Variants in CRB1 observed in about 807,000 individuals in gnomAD.
The protein encoded by CRB1 is crumbs cell polarity complex component 1, also known as protein crumbs homolog 1.
In CRB1, 83 loss-of-function variants were observed where a neutral mutation model predicts 120.0. The ratio of observed to expected loss-of-function variants is 0.69; its 90% CI spans 0.58 to 0.83. The LOEUF (loss-of-function observed/expected upper bound fraction) is 0.83, where lower values mean the gene tolerates loss of function less well. Among genes scored for constraint, CRB1 ranks in the 40% least tolerant of loss-of-function variants. CRB1 has a pLI of 0.00. For missense variants in CRB1, 1,699 were observed against 1,687.6 expected (o/e 1.01, Z -0.12); for synonymous variants, 625 against 612.5 (o/e 1.02, Z -0.30).
In CRB1 at chr1:197,429,527, G is replaced by T. The variant is rs1457458079; in HGVS notation, c.2755G>T (p.Gly919Trp). The change falls in exon 8 of 12, where the codon GGG (glycine) becomes TGG (tryptophan). Residue 919 changes from glycine (G) to tryptophan (W), a missense_variant. Transcript: ENST00000367400. ...CTGTTCCTGTCCTGCCCTCACAAGT[G>T]GGAAAGCCTGTGAGGAGGTTCAGTG... is the stretch of plus-strand genomic sequence containing the variant. ...FSCSCPALTS[G>W]KACEEVQWCG... The T allele has an allele frequency of 6.2e-7, 1 of 1,613,894 alleles. No individual in the cohort carries two copies. The highest frequency in any genetic ancestry group is 1.1e-5 in the South Asian group (1 of 91,064).
intron 5 of CRB1, among the ~76,000 whole-genome samples, chr1:197,385,833 C>A (rs1017606126): frequency 1.3e-5 from 2 of 151,496 alleles, no homozygotes; most frequent in African/African-American, 4.8e-5. Context: ...TTTAATGACC[C>A]AAAAATGATA....
At position 197,318,213 on chromosome 1, in the gene CRB1, A is replaced by G. The variant is rs547438623; in HGVS notation, c.71-10209A>G. On this transcript the variant is annotated intron_variant, in intron 1 of 11. Coordinates refer to ENST00000367400, the MANE Select transcript of CRB1 (RefSeq NM_201253.3). ...GTAGATATTTCTCAAAAGAAGATAT[A>G]CAAATGGCCAACAGATAAATGAAAA... Among the ~76,000 whole-genome samples, 70 of 152,208 alleles carry G rather than the reference A, an allele frequency of 4.6e-4. 1 individual carries two copies. The highest frequency in any genetic ancestry group is 6.8e-4 in the Non-Finnish European group (46 of 68,032).
intron 11 of CRB1, among the ~76,000 whole-genome samples, chr1:197,472,118 TACAC>T (rs890581550): frequency 2.4e-4 from 37 of 152,344 alleles, no homozygotes; most frequent in African/African-American, 8.4e-4. Context: ...TAACACTAAA[TACAC>T]ACACAGACAC....
At chr1:197,408,809 A>G (rs957487336) in intron 5 of CRB1, among the ~76,000 whole-genome samples, 1 of 152,324 alleles carries the variant, frequency 6.6e-6, no homozygotes, top group Non-Finnish European at 1.5e-5. Flanking sequence ...AACTGGGTTG[A>G]GTTTCTCTGA....
At chr1:197,317,710 A>G (rs1220155563) in intron 1 of CRB1, among the ~76,000 whole-genome samples, 1 of 152,208 alleles carries the variant, frequency 6.6e-6, no homozygotes, top group African/African-American at 2.4e-5. Flanking sequence ...CGGCCCACTA[A>G]TTTTTGACAA....
chr1:197,320,102 A>G (rs1435020272), intron 1 of CRB1, among the ~76,000 whole-genome samples: 1 of 152,258 alleles, frequency 6.6e-6, no homozygotes, highest in Non-Finnish European at 1.5e-5. Flanking sequence ...AATAATTGAT[A>G]GCATCCCTAC....
At chr1:197,423,083 T>C (rs1219073004) in intron 6 of CRB1, among the ~76,000 whole-genome samples, 1 of 152,210 alleles carries the variant, frequency 6.6e-6, no homozygotes, top group East Asian at 1.9e-4. Context: ...AGGGAAATTA[T>C]GCTGAGGCAA....
intron 4 of CRB1, among the ~76,000 whole-genome samples, chr1:197,354,309 C>T (rs1309980838): frequency 6.6e-6 from 1 of 152,166 alleles, no homozygotes; most frequent in Admixed American, 6.5e-5. Context: ...GGGTTAAACT[C>T]AAAACGCTTA....
intron 1 of CRB1, among the ~76,000 whole-genome samples, chr1:197,312,724 GC>G (rs2125275476): frequency 6.6e-6 from 1 of 152,096 alleles, no homozygotes; most frequent in South Asian, 2.1e-4. Context: ...TTTACACATA[GC>G]AACATTTAAT....
intron 1 of CRB1, among the ~76,000 whole-genome samples, chr1:197,290,778 A>T (rs527338354): frequency 4.9e-4 from 75 of 151,958 alleles, no homozygotes; most frequent in African/African-American, 1.7e-3. Flanking sequence ...TCTCACTAAA[A>T]ATAGAAGTTA....
chr1:197,386,982 T>C (rs955046709), intron 5 of CRB1, among the ~76,000 whole-genome samples: 1 of 152,184 alleles, frequency 6.6e-6, no homozygotes, highest in Non-Finnish European at 1.5e-5. Context: ...TCCATCCAAG[T>C]TAACAGTCTT....
At chr1:197,325,122 C>T (rs928246259) in intron 1 of CRB1, among the ~76,000 whole-genome samples, 1 of 152,168 alleles carries the variant, frequency 6.6e-6, no homozygotes, top group Non-Finnish European at 1.5e-5. Flanking sequence ...CATTATTCAA[C>T]AAATTTCTAT....
chr1:197,328,576 C>T lies in CRB1; in HGVS notation c.225C>T (p.Phe75=). The change falls in exon 2 of 12, where the codon TTC becomes TTT. Residue 75 remains phenylalanine, a synonymous_variant. Coordinates refer to ENST00000367400, the MANE Select transcript of CRB1 (RefSeq NM_201253.3). Reference sequence around the variant, plus strand: ...GTGACAACATGAAAGACCCTTGCTTCTCCAATCCCTGTCAAGGAAGTGCCA... The same window carrying T: ...GTGACAACATGAAAGACCCTTGCTTTTCCAATCCCTGTCAAGGAAGTGCCA... ...KDCDNMKDPC[F]SNPCQGSATC... The T allele has an allele frequency of 1.2e-6, 2 of 1,614,232 alleles. No homozygotes were observed. The highest frequency in any genetic ancestry group is 1.7e-6 in the Non-Finnish European group (2 of 1,180,044).
intron 8 of CRB1, among the ~76,000 whole-genome samples, chr1:197,433,746 T>C (rs1004494727): frequency 6.6e-6 from 1 of 152,056 alleles, no homozygotes; most frequent in Non-Finnish European, 1.5e-5. Context: ...AGAAAAAGAA[T>C]GCATAGAGGA....
chr1:197,339,210 T>G (rs1394470043), intron 2 of CRB1, among the ~76,000 whole-genome samples: 2 of 152,238 alleles, frequency 1.3e-5, no homozygotes, highest in African/African-American at 4.8e-5. Context: ...TAAACATTGT[T>G]ATGCTTATGT....
At chr1:197,202,209 C>G in the CRB1 span, among the ~76,000 whole-genome samples, 1 of 152,158 alleles carries the variant, frequency 6.6e-6, no homozygotes, top group Non-Finnish European at 1.5e-5. Context: ...CATGGAAGAA[C>G]TCCTGCAGAG....
intron 1 of CRB1, among the ~76,000 whole-genome samples, chr1:197,310,076 A>G (rs375459165): frequency 3.3e-5 from 5 of 152,266 alleles, no homozygotes; most frequent in African/African-American, 1.2e-4. Context: ...CATGTGTGCA[A>G]TGGTATGATG....
the CRB1 span, among the ~76,000 whole-genome samples, chr1:197,241,701 G>GTT: frequency 7.9e-5 from 11 of 138,820 alleles, no homozygotes; most frequent in Admixed American, 3.6e-4. Context: ...TTTTAAAGTA[G>GTT]TTTTTTTTTT....
intron 5 of CRB1, among the ~76,000 whole-genome samples, chr1:197,410,744 T>C (rs1663668402): frequency 6.6e-6 from 1 of 152,236 alleles, no homozygotes; most frequent in African/African-American, 2.4e-5. Flanking sequence ...AAAATTATGA[T>C]AGAATCTTAG....
Sources: gnomAD v4.1 joint callset for allele counts (sites outside exome capture counted in the v4.1 genomes callset) on GRCh38, gnomAD v4.1.1 for gene constraint, MANE v1.5 for transcripts, NCBI Gene and HGNC (gene_info 2026-07-23, HGNC 2026-07-21) for gene names.